Variants in FOXP1 observed in about 807,000 individuals in gnomAD.
FOXP1 encodes forkhead box P1.
FOXP1 carries 15 observed loss-of-function variants against 98.2 expected under a neutral mutation model. The ratio of observed to expected loss-of-function variants is 0.15; its 90% CI spans 0.10 to 0.24. FOXP1 has a LOEUF of 0.24. FOXP1 is among the 10% of genes least tolerant of loss of function. FOXP1 has a pLI of 1.00. For missense variants in FOXP1, 633 were observed against 848.5 expected, an observed-to-expected ratio of 0.75 and a Z score of 3.15; for synonymous variants, 371 against 314.5, an observed-to-expected ratio of 1.18 and a Z score of -1.90.
intron 6 of FOXP1, among the ~76,000 whole-genome samples, chr3:71,152,960 CT>C (rs1310417774): frequency 6.6e-6 from 1 of 152,196 alleles, no homozygotes; most frequent in Non-Finnish European, 1.5e-5. Flanking sequence ...CCTTGACAAA[CT>C]TTCCATCCCT....
At chr3:71,509,985 C>A (rs988111927) in intron 2 of FOXP1, among the ~76,000 whole-genome samples, 1 of 151,832 alleles carries the variant, frequency 6.6e-6, no homozygotes, top group Non-Finnish European at 1.5e-5. Context: ...TGGAGACCAG[C>A]CTGGCCAACA....
intron 3 of FOXP1, among the ~76,000 whole-genome samples, chr3:71,436,157 T>C (rs917270851): frequency 4.6e-5 from 7 of 151,924 alleles, no homozygotes; most frequent in Non-Finnish European, 1.0e-4. Context: ...TCCCAAACTG[T>C]TCCTGGTATG....
intron 4 of FOXP1, among the ~76,000 whole-genome samples, chr3:71,345,042 T>A (rs1484804119): frequency 6.6e-6 from 1 of 152,124 alleles, no homozygotes; most frequent in Admixed American, 6.5e-5. Flanking sequence ...TGTAATTGAA[T>A]CAAAGAAAAT....
At position 71,151,660 on chromosome 3, in the gene FOXP1, AT is replaced by A. The variant is rs71104420; in HGVS notation, c.181-39024del. Among the ~76,000 whole-genome samples, 703 of 140,084 alleles carry A rather than the reference AT, an allele frequency of 5.0e-3. 4 individuals carry two copies. Among genetic ancestry groups the A allele is most frequent in the African/African-American group, 0.013 (483 of 37,398 alleles). 91.9% of individuals were successfully genotyped at this position (140,084 alleles called of 152,430 possible). A position where few individuals can be genotyped will look rare whatever the true frequency, so the allele number is the denominator to read the frequency against. On this transcript the variant is annotated intron_variant, in intron 6 of 20. Transcript: ENST00000649528. ...AGTCGAGAGGATGCATGTCTAAAACATTTTTTTTTTTTTTTTTGCACAAAGT... is the reference window on the plus strand; with the variant it reads ...AGTCGAGAGGATGCATGTCTAAAACATTTTTTTTTTTTTTTTGCACAAAGT...
rs111427305 is a variant in FOXP1, at chr3:71,233,405, G to A, written c.-11-35013C>T. Among the ~76,000 whole-genome samples the A allele has an allele frequency of 8.6e-3, 1,306 of 152,046 alleles. 17 individuals carry two copies. Among genetic ancestry groups the A allele is most frequent in the African/African-American group, 0.03 (1,246 of 41,502 alleles). ...CATGATTGAAAGGAAGGTTAAAGCA[G>A]CTGCTATAGTTTTTTTTTGTTTTTG... On this transcript the variant is annotated intron_variant, in intron 5 of 20. Transcript: ENST00000649528.
intron 5 of FOXP1, among the ~76,000 whole-genome samples, chr3:71,246,008 C>A (rs114501934): frequency 0.02 from 2,928 of 146,136 alleles, 84 homozygotes; most frequent in African/African-American, 0.071. Context: ...ACCCCCCCCC[C>A]ACCACAAAGC....
intron 14 of FOXP1, among the ~76,000 whole-genome samples, chr3:70,983,666 CAGG>C (rs2039259727): frequency 6.6e-6 from 1 of 152,148 alleles, no homozygotes; most frequent in African/African-American, 2.4e-5. Flanking sequence ...GTGGTTTCTC[CAGG>C]AGCAGAAGTT....
chr3:71,392,380 AAC>A (rs762227828), intron 3 of FOXP1, among the ~76,000 whole-genome samples: 5 of 152,312 alleles, frequency 3.3e-5, no homozygotes, highest in Middle Eastern at 3.4e-3. Context: ...CTAAAAATAT[AAC>A]AGTCGCGTTT....
At chr3:71,186,791 T>C (rs929907438) in intron 6 of FOXP1, among the ~76,000 whole-genome samples, 2 of 152,260 alleles carry the variant, frequency 1.3e-5, no homozygotes, top group Non-Finnish European at 2.9e-5. Flanking sequence ...GAGTGACGAA[T>C]GCTTCCTCAG....
chr3:71,583,117 A>C (rs951689859), intron 1 of FOXP1, among the ~76,000 whole-genome samples: 13 of 151,822 alleles, frequency 8.6e-5, no homozygotes, highest in Non-Finnish European at 1.8e-4. Flanking sequence ...AACGCCGGAC[A>C]TCGAAAGTTG....
chr3:71,282,920 T>C (rs1303505503), intron 5 of FOXP1, among the ~76,000 whole-genome samples: 1 of 152,206 alleles, frequency 6.6e-6, no homozygotes, highest in Non-Finnish European at 1.5e-5. Context: ...ACCTTCATCA[T>C]GTCGGCACCT....
chr3:70,959,433 C>G, intron 20 of FOXP1, 42 bp from the exon 21 acceptor site: 1 of 1,612,698 alleles, frequency 6.2e-7, no homozygotes, highest in Non-Finnish European at 8.5e-7. Context: ...TACTTCCCAG[C>G]CCATTGCAGC....
intron 12 of FOXP1, 62 bp downstream of exon 12, chr3:71,015,487 A>C: frequency 8.6e-7 from 1 of 1,158,666 alleles, no homozygotes; most frequent in Non-Finnish European, 1.3e-6. Flanking sequence ...TTATGAGCAA[A>C]GCATGAACGG....
intron 2 of FOXP1, among the ~76,000 whole-genome samples, chr3:71,576,858 CT>C (rs2047758211): frequency 6.6e-6 from 1 of 152,168 alleles, no homozygotes. Context: ...CTTTCAGGCA[CT>C]CGTTCTCACA....
At chr3:71,091,021 A>C (rs568399602) in intron 7 of FOXP1, among the ~76,000 whole-genome samples, 1 of 151,616 alleles carries the variant, frequency 6.6e-6, no homozygotes. Context: ...ACCCAAACCA[A>C]CATCATCATA....
intron 4 of FOXP1, among the ~76,000 whole-genome samples, chr3:71,358,185 G>T (rs2078297466): frequency 6.6e-6 from 1 of 152,174 alleles, no homozygotes; most frequent in Non-Finnish European, 1.5e-5. Context: ...AGATCTTACA[G>T]CACTCTCAGA....
intron 7 of FOXP1, among the ~76,000 whole-genome samples, chr3:71,069,113 C>A (rs1287992234): frequency 6.6e-6 from 1 of 152,240 alleles, no homozygotes; most frequent in Non-Finnish European, 1.5e-5. Context: ...TGTTTTTCTT[C>A]TGTGCCTGCA....
At chr3:71,470,079 AAAAAT>A (rs1417774945) in intron 3 of FOXP1, among the ~76,000 whole-genome samples, 1 of 151,862 alleles carries the variant, frequency 6.6e-6, no homozygotes, top group Non-Finnish European at 1.5e-5. Flanking sequence ...TAAAATTAAT[AAAAAT>A]AAAATATTCA....
intron 4 of FOXP1, among the ~76,000 whole-genome samples, chr3:71,307,049 C>T (rs1343904495): frequency 6.6e-6 from 1 of 152,120 alleles, no homozygotes; most frequent in African/African-American, 2.4e-5. Context: ...GTCTTAGTAA[C>T]TTAATTATTT....
Sources: gnomAD v4.1 joint callset for allele counts (sites outside exome capture counted in the v4.1 genomes callset) on GRCh38, gnomAD v4.1.1 for gene constraint, MANE v1.5 for transcripts, NCBI Gene and HGNC (gene_info 2026-07-23, HGNC 2026-07-21) for gene names.